The following TRANK1 variants were observed in gnomAD, a reference collection of about 807,000 sequenced individuals.
TRANK1 encodes tetratricopeptide repeat and ankyrin repeat containing 1.
TRANK1 carries 198 observed loss-of-function variants against 266.0 expected under a neutral mutation model. That is an observed-to-expected ratio of 0.74 (90% CI 0.66 to 0.84). The LOEUF is 0.84. TRANK1 is among the 40% of genes least tolerant of loss of function. The pLI, the probability that TRANK1 is intolerant of heterozygous loss-of-function variation, is 0.00. For synonymous variants in TRANK1, 1,396 were observed against 1,384.1 expected (o/e 1.01, Z -0.19); for missense variants, 3,326 against 3,634.6 (o/e 0.92, Z 2.18).
rs1295534113 is a variant in TRANK1 at position 36,918,639 on chromosome 3, GAGAA to G, written c.24-10189_24-10186del. 1.1e-3 allele frequency among the ~76,000 whole-genome samples: 147 copies of G among 129,912 alleles called. 1 individual carries two copies. The highest frequency in any genetic ancestry group is 4.1e-3 in the African/African-American group (135 of 32,920). The allele number at this position is 129,912 out of a possible 152,430, so 85.2% of individuals were successfully genotyped here. A position where few individuals can be genotyped will look rare whatever the true frequency, so the allele number is the denominator to read the frequency against. On this transcript the variant is annotated intron_variant, in intron 1 of 23. Coordinates refer to ENST00000645898, the MANE Select transcript of TRANK1 (RefSeq NM_001329998.2). Reference sequence around the variant, plus strand: ...AGAAAGAAAGAAAGAAAGAAAGAAAGAGAAAGAAAGAGAGAGAGAGAAAGAGAGA... The same window carrying G: ...AGAAAGAAAGAAAGAAAGAAAGAAAGAGAAAGAGAGAGAGAGAAAGAGAGA...
intron 8 of TRANK1, among the ~76,000 whole-genome samples, chr3:36,888,555 G>C (rs1217704260): frequency 6.6e-6 from 1 of 152,178 alleles, no homozygotes; most frequent in Non-Finnish European, 1.5e-5. Flanking sequence ...TAGGTTCCTA[G>C]GTCCCAGTTC....
intron 18 of TRANK1, among the ~76,000 whole-genome samples, chr3:36,840,812 C>T (rs2078833926): frequency 6.6e-6 from 1 of 152,216 alleles, no homozygotes; most frequent in Admixed American, 6.5e-5. Flanking sequence ...ACTGCAGACA[C>T]ATGAGGTGCT....
At chr3:36,848,563 A>T (rs1329547610) in intron 15 of TRANK1, among the ~76,000 whole-genome samples, 1 of 152,206 alleles carries the variant, frequency 6.6e-6, no homozygotes, top group Non-Finnish European at 1.5e-5. Flanking sequence ...AAGTGGATAG[A>T]GTTTACTACC....
At chr3:36,882,983 C>A (rs1376782406) in intron 8 of TRANK1, among the ~76,000 whole-genome samples, 2 of 152,112 alleles carry the variant, frequency 1.3e-5, no homozygotes, top group Non-Finnish European at 2.9e-5. Flanking sequence ...ACAACAAATT[C>A]TACTGGTGAG....
chr3:36,840,766 A>G (rs190088752), intron 18 of TRANK1, among the ~76,000 whole-genome samples: 137 of 152,326 alleles, frequency 9.0e-4, no homozygotes, highest in African/African-American at 3.1e-3. Context: ...CTGAGCCAAG[A>G]GCCAGCCAAC....
At position 36,858,775 on chromosome 3, in the gene TRANK1, GA is replaced by G; in HGVS notation, c.1614del (p.Leu539SerfsTer16). The stretch of plus-strand genomic sequence containing the variant: ...TGCAAAGGAGTATCACCTTCCGTGA[GA>G]GAAATAGCACGGGGGTCTGCGCCCT... ...LTKGADPRAI[S>X]LTEGDTPLHA... On this transcript the variant is annotated frameshift_variant, in exon 12 of 24. Coordinates refer to ENST00000645898, the MANE Select transcript of TRANK1 (RefSeq NM_001329998.2). LOFTEE classifies it high-confidence loss of function. 1 of 1,537,170 alleles carries G rather than the reference GA, an allele frequency of 6.5e-7. No individual in the cohort carries two copies.
At chr3:36,898,202 C>A (rs2079821127) in intron 4 of TRANK1, among the ~76,000 whole-genome samples, 1 of 152,202 alleles carries the variant, frequency 6.6e-6, no homozygotes, top group Admixed American at 6.5e-5. Flanking sequence ...CCTGTAATCT[C>A]AGCACTTTAG....
chr3:36,839,435 G>A (rs1282190043), intron 18 of TRANK1, among the ~76,000 whole-genome samples: 1 of 152,156 alleles, frequency 6.6e-6, no homozygotes, highest in East Asian at 1.9e-4. Context: ...GGCAAGGGAG[G>A]GACTAAGTGG....
At chr3:36,868,922 G>A (rs1247622347) in intron 9 of TRANK1, among the ~76,000 whole-genome samples, 1 of 152,174 alleles carries the variant, frequency 6.6e-6, no homozygotes, top group African/African-American at 2.4e-5. Context: ...AAAAGGCCAA[G>A]AACTAGTAAA....
Position 36,857,087 on chromosome 3 carries a change from G to C in TRANK1, c.2635C>G (p.Leu879Val), listed in dbSNP as rs2079067132. The change falls in exon 13 of 24, where the codon CTG (leucine) becomes GTG (valine). Residue 879 changes from leucine to valine, a missense_variant. Transcript: ENST00000645898. This position sits in a 1 kb window ranked among gnomAD's most constrained non-coding sequence, Gnocchi z 4.3. ...GEWTQGLQKR[L>V]KHLKGSIQLF... ...TGGATGCTTCCTTTCAGGTGCTTCAGTCGCTTCTGCAGGCCCTGGGTCCAC... is the reference window on the plus strand; with the variant it reads ...TGGATGCTTCCTTTCAGGTGCTTCACTCGCTTCTGCAGGCCCTGGGTCCAC... 1 of 1,614,050 alleles carries C rather than the reference G, an allele frequency of 6.2e-7. No individual in the cohort carries two copies. The highest frequency in any genetic ancestry group is 2.2e-5 in the East Asian group (1 of 44,888).
At chr3:36,894,710 A>G (rs971759668) in intron 5 of TRANK1, among the ~76,000 whole-genome samples, 2 of 152,164 alleles carry the variant, frequency 1.3e-5, no homozygotes, top group African/African-American at 4.8e-5. Context: ...ACCTTGCCCA[A>G]AATTTAAGAA....
chr3:36,873,855 G>A (rs187283999), intron 9 of TRANK1, among the ~76,000 whole-genome samples: 1 of 132,642 alleles, frequency 7.5e-6, no homozygotes, highest in Non-Finnish European at 1.6e-5. Flanking sequence ...GTACATGCAT[G>A]GGAAAAAAAA....
intron 20 of TRANK1, among the ~76,000 whole-genome samples, chr3:36,836,714 C>T (rs2078775302): frequency 6.6e-6 from 1 of 152,198 alleles, no homozygotes; most frequent in Admixed American, 6.5e-5. Context: ...ATCACAGCTC[C>T]CATCCAGTTC....
At chr3:36,887,985 C>T (rs549474212) in intron 8 of TRANK1, among the ~76,000 whole-genome samples, 6 of 152,140 alleles carry the variant, frequency 3.9e-5, no homozygotes, top group South Asian at 4.1e-4. Flanking sequence ...CCATATGATC[C>T]GGCAATTCTA....
chr3:36,908,035 G>A (rs1456556712), intron 2 of TRANK1, among the ~76,000 whole-genome samples: 2 of 152,194 alleles, frequency 1.3e-5, no homozygotes, highest in Admixed American at 6.5e-5. Context: ...GAATGACAAC[G>A]AAGAGGTTTG....
At chr3:36,912,147 G>A (rs994716768) in intron 1 of TRANK1, among the ~76,000 whole-genome samples, 39 of 151,490 alleles carry the variant, frequency 2.6e-4, no homozygotes, top group Non-Finnish European at 5.2e-4. Flanking sequence ...CTGAGATCAA[G>A]CCACTGCATT....
intron 21 of TRANK1, among the ~76,000 whole-genome samples, chr3:36,834,149 C>G (rs2078736331): frequency 6.6e-6 from 1 of 152,160 alleles, no homozygotes; most frequent in African/African-American, 2.4e-5. Context: ...AATTGGTGTG[C>G]TTAATTAATG....
Position 36,924,886 on chromosome 3 carries a change from T to A in TRANK1, c.24-16432A>T, listed in dbSNP as rs185617259. Among the ~76,000 whole-genome samples, 7 of 152,302 alleles carry A rather than the reference T, an allele frequency of 4.6e-5. No individual in the cohort carries two copies. The East Asian group carries it at 1.3e-3, about 29-fold the overall frequency. Reference sequence around the variant, plus strand: ...CCCCGGACAGAATCCCAAACCCCAGTGGCCTTAAGCTAAAGAGGCTCTCTG... The same window carrying A: ...CCCCGGACAGAATCCCAAACCCCAGAGGCCTTAAGCTAAAGAGGCTCTCTG... On this transcript the variant is annotated intron_variant, in intron 1 of 23. Transcript: ENST00000645898.
intron 8 of TRANK1, among the ~76,000 whole-genome samples, chr3:36,888,646 G>A (rs762538605): frequency 5.3e-5 from 8 of 152,284 alleles, no homozygotes; most frequent in South Asian, 4.1e-4. Context: ...AGTTTCCTAC[G>A]AGTAACCCAC....
Sources: gnomAD v4.1 joint callset for allele counts (sites outside exome capture counted in the v4.1 genomes callset) on GRCh38, gnomAD v4.1.1 for gene constraint, Gnocchi (gnomAD v3.1) non-coding constraint, MANE v1.5 for transcripts, NCBI Gene and HGNC (gene_info 2026-07-23, HGNC 2026-07-21) for gene names.